Variants in DNAH11 observed in about 807,000 individuals in gnomAD.
DNAH11 encodes the protein axonemal beta dynein heavy chain 11.
A neutral mutation model predicts 526.0 loss-of-function variants in DNAH11; 442 were observed. The observed-to-expected ratio is 0.84, with a 90% CI of 0.78 to 0.91. DNAH11 has a LOEUF of 0.91. DNAH11 is among the 40% of genes least tolerant of loss of function. The pLI, the probability that DNAH11 is intolerant of heterozygous loss-of-function variation, is 0.00. For missense variants in DNAH11, 6,989 were observed against 5,448.7 expected (o/e 1.28, Z -8.90); for synonymous variants, 2,461 against 1,935.9 (o/e 1.27, Z -7.12).
chr7:21,612,303 C>T (rs529375979), intron 20 of DNAH11, among the ~76,000 whole-genome samples: 4 of 152,170 alleles, frequency 2.6e-5, no homozygotes, highest in Non-Finnish European at 4.4e-5. Flanking sequence ...CGCCTGTAAT[C>T]CCAGCACTTT....
chr7:21,548,808 G>A (rs1782907782), intron 2 of DNAH11, among the ~76,000 whole-genome samples: 1 of 152,102 alleles, frequency 6.6e-6, no homozygotes, highest in Admixed American at 6.5e-5. Flanking sequence ...AAGAGGAGTA[G>A]TTCATATTCC....
At chr7:21,668,295 C>T (rs1214583178) in intron 30 of DNAH11, among the ~76,000 whole-genome samples, 1 of 151,952 alleles carries the variant, frequency 6.6e-6, no homozygotes, top group Non-Finnish European at 1.5e-5. Context: ...GTATCTCTCT[C>T]CAGAGCAAAG....
chr7:21,593,272 C>G (rs1784754378), intron 14 of DNAH11, among the ~76,000 whole-genome samples: 1 of 152,114 alleles, frequency 6.6e-6, no homozygotes, highest in Non-Finnish European at 1.5e-5. Flanking sequence ...GGAGGCTAAC[C>G]CTCAGATCTG....
At chr7:21,858,054 A>G (rs1782920189) in intron 68 of DNAH11, among the ~76,000 whole-genome samples, 1 of 152,214 alleles carries the variant, frequency 6.6e-6, no homozygotes, top group Non-Finnish European at 1.5e-5. Flanking sequence ...TCAGGATATA[A>G]AAAGAACTTG....
intron 2 of DNAH11, 125 bp downstream of exon 2, chr7:21,545,274 TAAAAAA>T (rs10634177): frequency 1.4e-3 from 188 of 131,590 alleles, no homozygotes; most frequent in South Asian, 2.3e-3. Context: ...TGGGGGTGGT[TAAAAAA>T]AAAAAAAAAA....
chr7:21,872,123 C>CAAAAAAAAAAAAAAAAAAAAAAAA lies in DNAH11; in HGVS notation c.11968-1148_11968-1125dup, dbSNP rs776718319. Among the ~76,000 whole-genome samples, 2 of 30,832 alleles carry CAAAAAAAAAAAAAAAAAAAAAAAA rather than the reference C, an allele frequency of 6.5e-5. 1 individual carries two copies. Among genetic ancestry groups the CAAAAAAAAAAAAAAAAAAAAAAAA allele is most frequent in the Non-Finnish European group, 1.1e-4 (2 of 17,974 alleles). 20.2% of individuals were successfully genotyped at this position (30,832 alleles called of 152,430 possible). The stretch of plus-strand genomic sequence containing the variant: ...TGGGTGACAGAGCGAGACTCTGTCT[C>CAAAAAAAAAAAAAAAAAAAAAAAA]AAAAAAAAAAAAAAAAAAAAAAAAA... On this transcript the variant is annotated intron_variant, in intron 73 of 81. Transcript: ENST00000409508.
chr7:21,630,338 T>C (rs1030612439), intron 25 of DNAH11, among the ~76,000 whole-genome samples: 3 of 152,226 alleles, frequency 2.0e-5, no homozygotes, highest in Non-Finnish European at 2.9e-5. Flanking sequence ...GCCAGGAGTA[T>C]GAGTAGATTG....
At position 21,818,286 on chromosome 7, in the gene DNAH11, G is replaced by A. The variant is rs774414709; in HGVS notation, c.10638G>A (p.Thr3546=). The A allele has an allele frequency of 2.5e-5, 40 of 1,611,796 alleles. No homozygotes were observed. In the Admixed American group the frequency reaches 4.7e-4, roughly 19 times the overall value. ...TCTTAATTGAAAATCTCGAGGAAAC[G>A]ATAGATCCAGTCCTGGATCCACTAC... ...DVILIENLEE[T]IDPVLDPLLG... Residue 3546 remains threonine, a synonymous_variant, in exon 65 of 82, where the codon ACG becomes ACA. Coordinates refer to ENST00000409508, the MANE Select transcript of DNAH11 (RefSeq NM_001277115.2).
At chr7:21,595,367 T>A (rs2128445161) in intron 14 of DNAH11, among the ~76,000 whole-genome samples, 1 of 152,302 alleles carries the variant, frequency 6.6e-6, no homozygotes, top group South Asian at 2.1e-4. Flanking sequence ...ACATAAGCAT[T>A]CAGACAGTGG....
At chr7:21,639,957 A>G (rs565600168) in intron 28 of DNAH11, among the ~76,000 whole-genome samples, 26 of 152,012 alleles carry the variant, frequency 1.7e-4, no homozygotes, top group Middle Eastern at 3.4e-3. Context: ...AGTTCCCTGA[A>G]TTTTGCTGTT....
At chr7:21,882,400 T>C (rs1783955653) in intron 75 of DNAH11, among the ~76,000 whole-genome samples, 1 of 152,210 alleles carries the variant, frequency 6.6e-6, no homozygotes, top group Non-Finnish European at 1.5e-5. Flanking sequence ...GGGAATTAAA[T>C]TCCTATGAGC....
At chr7:21,762,896 T>C (rs1435354077) in intron 54 of DNAH11, among the ~76,000 whole-genome samples, 1 of 152,142 alleles carries the variant, frequency 6.6e-6, no homozygotes, top group Admixed American at 6.5e-5. Context: ...AAAGCTTCTA[T>C]ACAGCAAAGG....
rs1018831164 is a variant in DNAH11 at position 21,601,559 on chromosome 7, A to G, written c.3589A>G (p.Ile1197Val). 3 of 1,611,018 alleles carry G rather than the reference A, an allele frequency of 1.9e-6. No individual in the cohort carries two copies. The highest frequency in any genetic ancestry group is 2.5e-6 in the Non-Finnish European group (3 of 1,177,706). Residue 1197 changes from isoleucine to valine, a missense_variant, in exon 18 of 82, where the codon ATC (isoleucine) becomes GTC (valine). Transcript: ENST00000409508. ...DELFEPLKETITLLESYGQKM... is the reference protein window; with the variant it reads ...DELFEPLKETVTLLESYGQKM... Reference sequence around the variant, plus strand: ...ACTCTTTGAACCTCTAAAAGAAACGATCACCCTCTTGGAAAGCTATGGCCA... The same window carrying G: ...ACTCTTTGAACCTCTAAAAGAAACGGTCACCCTCTTGGAAAGCTATGGCCA...
chr7:21,872,208 C>T (rs116901644), intron 73 of DNAH11, among the ~76,000 whole-genome samples: 4,044 of 144,996 alleles, frequency 0.028, 98 homozygotes, highest in South Asian at 0.11. Context: ...TTTCCAAATA[C>T]AGTCACATTA....
chr7:21,613,878 C>G (rs1011474637), intron 20 of DNAH11, among the ~76,000 whole-genome samples: 1 of 152,098 alleles, frequency 6.6e-6, no homozygotes, highest in Non-Finnish European at 1.5e-5. Context: ...GGTCATTCTC[C>G]CACCTCAGCC....
intron 67 of DNAH11, among the ~76,000 whole-genome samples, 174 bp from the exon 68 acceptor site, chr7:21,854,141 A>T (rs1221409555): frequency 6.6e-6 from 1 of 152,206 alleles, no homozygotes; most frequent in Non-Finnish European, 1.5e-5. Context: ...TAAAAAAATT[A>T]TTTTAAAATA....
At chr7:21,686,470 G>A (rs1374096716) in intron 32 of DNAH11, among the ~76,000 whole-genome samples, 2 of 152,112 alleles carry the variant, frequency 1.3e-5, no homozygotes, top group Non-Finnish European at 2.9e-5. Context: ...CTTGTTTCAT[G>A]ATTTTCTAAG....
At chr7:21,718,605 A>T (rs2965412) in intron 43 of DNAH11, among the ~76,000 whole-genome samples, 1 of 152,106 alleles carries the variant, frequency 6.6e-6, no homozygotes, top group African/African-American at 2.4e-5. Context: ...ATGGAAGCCA[A>T]TGAAAATAAT....
At chr7:21,606,269 G>C (rs747252715) in intron 18 of DNAH11, among the ~76,000 whole-genome samples, 157 bp from the exon 19 acceptor site, 1 of 151,952 alleles carries the variant, frequency 6.6e-6, no homozygotes, top group African/African-American at 2.4e-5. Context: ...GTTTCAGTGA[G>C]CTGAGATCAT....
Sources: allele counts gnomAD v4.1 joint callset (sites outside exome capture counted in the v4.1 genomes callset), GRCh38; gene constraint gnomAD v4.1.1; transcripts MANE v1.5; gene names NCBI Gene and HGNC (gene_info 2026-07-23, HGNC 2026-07-21).